EYS: variants seen among roughly 807,000 people sequenced by gnomAD.
EYS encodes EGF-like photoreceptor maintenance factor, also known as protein eyes shut homolog.
EYS carries 250 observed loss-of-function variants against 282.1 expected under a neutral mutation model. The ratio of observed to expected loss-of-function variants is 0.89; its 90% CI spans 0.80 to 0.98. The LOEUF (loss-of-function observed/expected upper bound fraction) is 0.98. Among genes scored for constraint, EYS ranks in the 50% least tolerant of loss-of-function variants. The pLI, the probability that EYS is intolerant of heterozygous loss-of-function variation, is 0.00. For missense variants in EYS, 4,016 were observed against 3,709.0 expected (o/e 1.08, Z -2.15); for synonymous variants, 1,355 against 1,282.9 (o/e 1.06, Z -1.20).
intron 24 of EYS, among the ~76,000 whole-genome samples, chr6:64,613,574 G>A (rs1166667035): frequency 6.6e-6 from 1 of 152,092 alleles, no homozygotes; most frequent in Non-Finnish European, 1.5e-5. Context: ...GAGACAGTCA[G>A]GCAGGTACAA....
intron 2 of EYS, among the ~76,000 whole-genome samples, chr6:65,620,744 C>T (rs13209581): frequency 0.35 from 53,027 of 149,466 alleles, 10,717 homozygotes; most frequent in African/African-American, 0.57. Context: ...GAGATTCTGG[C>T]ATGTTGTGTC....
chr6:63,857,608 G>A, intron 36 of EYS: 1 of 414,132 alleles, frequency 2.4e-6, no homozygotes, highest in Non-Finnish European at 5.0e-6. Context: ...GTGTGATGGG[G>A]TCCACGTGTG....
chr6:64,005,139 T>C (rs1167633967), intron 33 of EYS, among the ~76,000 whole-genome samples: 1 of 152,234 alleles, frequency 6.6e-6, no homozygotes, highest in Admixed American at 6.5e-5. Flanking sequence ...ATTTTTTGAC[T>C]TTTTAATAAT....
chr6:65,052,641 G>T (rs1271407098), intron 13 of EYS, among the ~76,000 whole-genome samples: 1 of 151,376 alleles, frequency 6.6e-6, no homozygotes, highest in Non-Finnish European at 1.5e-5. Context: ...TTTTGTTCAG[G>T]TATATTATAA....
chr6:65,186,017 G>A (rs953949799), intron 12 of EYS, among the ~76,000 whole-genome samples: 1 of 109,062 alleles, frequency 9.2e-6, no homozygotes, highest in Non-Finnish European at 2.0e-5. Context: ...TTCTCTTCAC[G>A]TATTAGTTCC....
intron 28 of EYS, among the ~76,000 whole-genome samples, chr6:64,414,720 A>G (rs1343395460): frequency 6.6e-6 from 1 of 152,316 alleles, no homozygotes; most frequent in Admixed American, 6.5e-5. Flanking sequence ...ACATCAGCAT[A>G]TGCCATTTAT....
chr6:65,629,277 CA>C (rs1334215723), intron 2 of EYS, among the ~76,000 whole-genome samples: 1 of 152,114 alleles, frequency 6.6e-6, no homozygotes, highest in Admixed American at 6.5e-5. Flanking sequence ...GACACACACA[CA>C]AAAGACTTGA....
chr6:64,611,606 G>A (rs547701562), intron 24 of EYS, among the ~76,000 whole-genome samples: 1 of 151,962 alleles, frequency 6.6e-6, no homozygotes. Flanking sequence ...TTAAGGATCT[G>A]CAAAAAATGG....
chr6:64,624,291 A>T (rs1767533931), intron 23 of EYS, among the ~76,000 whole-genome samples: 1 of 152,192 alleles, frequency 6.6e-6, no homozygotes, highest in Non-Finnish European at 1.5e-5. Flanking sequence ...CACCTGTAAG[A>T]TGTTTATTAA....
At chr6:63,758,603 G>A (rs1769554701) in intron 41 of EYS, among the ~76,000 whole-genome samples, 1 of 151,938 alleles carries the variant, frequency 6.6e-6, no homozygotes, top group Admixed American at 6.6e-5. Flanking sequence ...TCAGACTATA[G>A]GGCTTTCTTT....
intron 39 of EYS, among the ~76,000 whole-genome samples, chr6:63,781,275 A>G (rs1453027208): frequency 1.3e-5 from 2 of 152,100 alleles, no homozygotes; most frequent in Non-Finnish European, 1.5e-5. Context: ...GTTTTTTCCA[A>G]TTTTGTGAAG....
chr6:65,102,655 G>T (rs1221730675), intron 12 of EYS, among the ~76,000 whole-genome samples: 1 of 151,104 alleles, frequency 6.6e-6, no homozygotes, highest in Non-Finnish European at 1.5e-5. Context: ...ATGAATTTCA[G>T]TTCAGGCTTG....
At chr6:64,405,866 G>A (rs916279424) in intron 28 of EYS, among the ~76,000 whole-genome samples, 2 of 152,096 alleles carry the variant, frequency 1.3e-5, no homozygotes, top group Non-Finnish European at 2.9e-5. Context: ...TCAGGAATAG[G>A]AAGAAGCAAT....
chr6:65,275,907 T>G (rs1049767995), intron 12 of EYS, among the ~76,000 whole-genome samples: 3 of 152,122 alleles, frequency 2.0e-5, no homozygotes, highest in Non-Finnish European at 4.4e-5. Flanking sequence ...ACTGCTTCTG[T>G]CAAAACTACT....
intron 2 of EYS, among the ~76,000 whole-genome samples, chr6:65,513,451 T>A (rs1766981254): frequency 6.6e-6 from 1 of 152,154 alleles, no homozygotes; most frequent in African/African-American, 2.4e-5. Flanking sequence ...GAGGCCAGCA[T>A]CATCCTGATA....
At chr6:64,241,144 G>C (rs569258816) in intron 30 of EYS, among the ~76,000 whole-genome samples, 1 of 152,250 alleles carries the variant, frequency 6.6e-6, no homozygotes, top group African/African-American at 2.4e-5. Context: ...GATTAGGTTT[G>C]CCAGTATTTT....
chr6:65,009,497 C>A (rs1771796584), intron 13 of EYS, among the ~76,000 whole-genome samples: 1 of 152,090 alleles, frequency 6.6e-6, no homozygotes, highest in African/African-American at 2.4e-5. Flanking sequence ...TTTCTGCATC[C>A]CTGTACATCC....
intron 35 of EYS, among the ~76,000 whole-genome samples, chr6:63,909,308 C>A (rs1366871561): frequency 6.6e-6 from 1 of 152,186 alleles, no homozygotes; most frequent in Non-Finnish European, 1.5e-5. Flanking sequence ...TCCAATTGAT[C>A]AATCTATCAT....
intron 36 of EYS, among the ~76,000 whole-genome samples, chr6:63,847,546 G>T (rs754019670): frequency 6.6e-6 from 1 of 152,136 alleles, no homozygotes; most frequent in Non-Finnish European, 1.5e-5. Flanking sequence ...ATATACATAA[G>T]CCAAGAGATT....
Sources: allele counts gnomAD v4.1 joint callset (sites outside exome capture counted in the v4.1 genomes callset), GRCh38; gene constraint gnomAD v4.1.1; transcripts MANE v1.5; gene names NCBI Gene and HGNC (gene_info 2026-07-23, HGNC 2026-07-21).